The following SERPINB8 variants were observed in gnomAD, a reference collection of about 807,000 sequenced individuals.
The protein encoded by SERPINB8 is serpin B8.
In SERPINB8, 25 loss-of-function variants were observed where a neutral mutation model predicts 35.3. That is an observed-to-expected ratio of 0.71 (90% CI 0.52 to 0.99). The LOEUF (loss-of-function observed/expected upper bound fraction) is 0.99, where lower values mean the gene tolerates loss of function less well. Ranked by LOEUF, SERPINB8 falls within the 50% of genes least tolerant of loss-of-function variation. The pLI is 0.00. For missense variants in SERPINB8, 484 were observed against 446.5 expected, an observed-to-expected ratio of 1.08 and a Z score of -0.76; for synonymous variants, 186 against 160.8, an observed-to-expected ratio of 1.16 and a Z score of -1.19.
intron 7 of SERPINB8, among the ~76,000 whole-genome samples, chr18:64,012,339 TTTAA>T (rs776541583): frequency 3.9e-5 from 6 of 152,168 alleles, no homozygotes; most frequent in Non-Finnish European, 7.4e-5. Flanking sequence ...GTACAATTTA[TTTAA>T]TTATTTATTT....
chr18:63,995,296 T>C (rs1178248902), intron 1 of SERPINB8, among the ~76,000 whole-genome samples: 4 of 152,168 alleles, frequency 2.6e-5, no homozygotes, highest in African/African-American at 9.7e-5. Flanking sequence ...TCCCCAGGGA[T>C]GACTAGAAGC....
chr18:64,004,511 G>A (rs1454396931), intron 1 of SERPINB8, among the ~76,000 whole-genome samples: 1 of 152,056 alleles, frequency 6.6e-6, no homozygotes, highest in Non-Finnish European at 1.5e-5. Context: ...GTTATTCATG[G>A]TTTGGCATAT....
rs375159277 is a variant in SERPINB8 at position 63,987,320 on chromosome 18, A to T, written c.*42A>T. On this transcript the variant is annotated 3_prime_UTR_variant, in exon 7 of 7. Transcript: ENST00000397985. ...TACATACCCTCCTTTCCTTCTACCT[A>T]TCTTGCCTTAATTAACATTCCCTGT... The T allele has an allele frequency of 2.3e-5, 36 of 1,553,028 alleles. No individual in the cohort carries two copies. Among genetic ancestry groups the T allele is most frequent in the Non-Finnish European group, 3.0e-5 (35 of 1,149,400 alleles).
intron 1 of SERPINB8, among the ~76,000 whole-genome samples, chr18:63,998,274 G>A (rs144061578): frequency 6.6e-6 from 1 of 152,228 alleles, no homozygotes; most frequent in East Asian, 1.9e-4. Flanking sequence ...CCCTGACTCA[G>A]GCAACACTCT....
intron 2 of SERPINB8, among the ~76,000 whole-genome samples, 182 bp downstream of exon 2, chr18:63,978,658 C>T (rs1045444317): frequency 6.6e-6 from 1 of 152,172 alleles, no homozygotes; most frequent in Non-Finnish European, 1.5e-5. Flanking sequence ...CAGATCATCT[C>T]CTCTGATGTT....
At chr18:64,007,020 A>G (rs1186279372), downstream of SERPINB8, among the ~76,000 whole-genome samples, 3 of 141,896 alleles carry the variant, frequency 2.1e-5, no homozygotes, top group Non-Finnish European at 4.8e-5. Flanking sequence ...AATATAATAG[A>G]GAGGATCTAA....
chr18:63,994,598 T>C (rs1159120897), intron 1 of SERPINB8, among the ~76,000 whole-genome samples: 1 of 151,942 alleles, frequency 6.6e-6, no homozygotes, highest in African/African-American at 2.4e-5. Flanking sequence ...CCGAGGGGGA[T>C]CATTGGTCCT....
chr18:63,970,339 G>A lies in SERPINB8; in HGVS notation c.-11+169G>A, dbSNP rs184026170. The A allele has an allele frequency of 1.5e-4, 27 of 176,240 alleles. No individual in the cohort carries two copies. The East Asian group carries it at 5.0e-3, about 33-fold the overall frequency. The allele number at this position is 176,240 out of a possible 1,614,324, so 10.9% of individuals were successfully genotyped here. ...AACTAGGAGAATGACGGCGGGAGGC[G>A]GCCGGGAAAGAGAGTCGCGGGGCTG... On this transcript the variant is annotated intron_variant, in intron 1 of 6. Transcript: ENST00000397985.
At chr18:63,997,244 A>G (rs2050854419) in intron 1 of SERPINB8, among the ~76,000 whole-genome samples, 1 of 152,222 alleles carries the variant, frequency 6.6e-6, no homozygotes, top group African/African-American at 2.4e-5. Flanking sequence ...CACGGCTGTG[A>G]CATAGTTTTA....
intron 5 of SERPINB8, among the ~76,000 whole-genome samples, chr18:63,984,573 T>TA (rs565423911): frequency 6.6e-6 from 1 of 152,326 alleles, no homozygotes; most frequent in South Asian, 2.1e-4. Flanking sequence ...ATATGAAAGT[T>TA]AAAAATATAT....
chr18:63,982,829 T>C (rs972492601), intron 4 of SERPINB8, among the ~76,000 whole-genome samples: 1 of 151,964 alleles, frequency 6.6e-6, no homozygotes, highest in Non-Finnish European at 1.5e-5. Flanking sequence ...CCCAGAATAT[T>C]AGAGCTGAAG....
chr18:64,016,014 TAGAA>T (rs1204623299), intron 7 of SERPINB8, among the ~76,000 whole-genome samples: 1 of 152,346 alleles, frequency 6.6e-6, no homozygotes, highest in East Asian at 1.9e-4. Flanking sequence ...TACTGTATGT[TAGAA>T]AGCTTATTTA....
chr18:63,981,872 AC>A, intron 4 of SERPINB8, 34 bp downstream of exon 4: 1 of 1,468,704 alleles, frequency 6.8e-7, no homozygotes, highest in Non-Finnish European at 9.5e-7. Context: ...ATTTGGAATT[AC>A]TATACAACGA....
At chr18:64,001,925 A>C (rs895504677) in intron 1 of SERPINB8, among the ~76,000 whole-genome samples, 1 of 152,152 alleles carries the variant, frequency 6.6e-6, no homozygotes, top group African/African-American at 2.4e-5. Flanking sequence ...TACTTCAGTA[A>C]GTCATTTGTT....
chr18:63,970,866 A>G (rs753463595), intron 1 of SERPINB8, among the ~76,000 whole-genome samples: 13 of 151,400 alleles, frequency 8.6e-5, no homozygotes, highest in Non-Finnish European at 1.6e-4. Flanking sequence ...CTTCCTCTCA[A>G]ATGGGATGGG....
chr18:64,013,935 G>T (rs1599172929), intron 7 of SERPINB8, among the ~76,000 whole-genome samples: 1 of 152,210 alleles, frequency 6.6e-6, no homozygotes, highest in Non-Finnish European at 1.5e-5. Context: ...GAACATCAAA[G>T]TTGTTAAGTT....
At chr18:64,017,714 A>G (rs529267183) in intron 7 of SERPINB8, among the ~76,000 whole-genome samples, 11 of 152,294 alleles carry the variant, frequency 7.2e-5, no homozygotes, top group African/African-American at 1.4e-4. Flanking sequence ...GAACTTCCCT[A>G]TGGAAACCCT....
At position 63,970,147 on chromosome 18, in the gene SERPINB8, C is replaced by CGGCGGT; in HGVS notation, c.-31_-30insGGTGGC. On this transcript the variant is annotated 5_prime_UTR_variant, in exon 1 of 7. Transcript: ENST00000397985. ...AAAGCAGCAGCGGCGGCGGCGGCGG[C>CGGCGGT]GGCAGCAGCAGCAGCAGCAGGAGGT... The CGGCGGT allele has an allele frequency of 2.7e-6, 1 of 367,892 alleles. No individual in the cohort carries two copies. The allele number at this position is 367,892 out of a possible 1,614,324, so 22.8% of individuals were successfully genotyped here. A position where few individuals can be genotyped will look rare whatever the true frequency, so the allele number is the denominator to read the frequency against.
intron 1 of SERPINB8, among the ~76,000 whole-genome samples, chr18:64,002,237 G>A (rs565637109): frequency 2.0e-5 from 3 of 152,272 alleles, no homozygotes; most frequent in Admixed American, 6.5e-5. Flanking sequence ...CGCCAGGGGT[G>A]GAAAAGAGCT....
Sources: allele counts gnomAD v4.1 joint callset (sites outside exome capture counted in the v4.1 genomes callset), GRCh38; gene constraint gnomAD v4.1.1; transcripts MANE v1.5; gene names NCBI Gene and HGNC (gene_info 2026-07-23, HGNC 2026-07-21).